RLN2: variants seen among roughly 807,000 people sequenced by gnomAD.
The protein encoded by RLN2 is relaxin 2, also known as prorelaxin H2.
In RLN2, 10 loss-of-function variants were observed where a neutral mutation model predicts 7.3. The observed-to-expected ratio is 1.36, with a 90% confidence interval of 0.84 to 2.31. The LOEUF is 2.31. RLN2 is among the 30% of genes most tolerant of loss of function. The probability of loss-of-function intolerance (pLI) is 0.00; values close to 1 mark genes in which losing one functional copy is unlikely to be tolerated. For missense variants in RLN2, 298 were observed against 217.6 expected, an observed-to-expected ratio of 1.37 and a Z score of -2.32; for synonymous variants, 103 against 82.3, an observed-to-expected ratio of 1.25 and a Z score of -1.36.
chr9:5,321,029 A>G, the RLN2 span, among the ~76,000 whole-genome samples: 1 of 152,142 alleles, frequency 6.6e-6, no homozygotes, highest in Non-Finnish European at 1.5e-5. Flanking sequence ...ATACAGTTCA[A>G]TGTGATTCAT....
chr9:5,324,886 T>C, the RLN2 span, among the ~76,000 whole-genome samples: 27 of 152,138 alleles, frequency 1.8e-4, no homozygotes, highest in African/African-American at 6.0e-4. Context: ...ACATATTCAA[T>C]TGCACTGCTA....
chr9:5,322,347 C>A, the RLN2 span, among the ~76,000 whole-genome samples: 1 of 151,908 alleles, frequency 6.6e-6, no homozygotes, highest in African/African-American at 2.4e-5. Flanking sequence ...CTGCAGCATG[C>A]CAGGGACCCT....
the RLN2 span, among the ~76,000 whole-genome samples, chr9:5,336,347 G>A: frequency 6.6e-6 from 1 of 152,004 alleles, no homozygotes; most frequent in African/African-American, 2.4e-5. Flanking sequence ...TTTGTTCCAA[G>A]GCTGCAGATC....
chr9:5,305,426 G>GAC (rs1563736634), upstream of RLN2, among the ~76,000 whole-genome samples: 2 of 142,932 alleles, frequency 1.4e-5, no homozygotes, highest in African/African-American at 5.2e-5. Context: ...GAGAGAGAGA[G>GAC]AAGAAAAAAA....
chr9:5,335,104 T>A, the RLN2 span: 7 of 524,542 alleles, frequency 1.3e-5, no homozygotes, highest in Non-Finnish European at 2.3e-5. Context: ...ATACAAAGAA[T>A]ATTTTCTTAC....
chr9:5,337,447 A>T, the RLN2 span, among the ~76,000 whole-genome samples: 1 of 152,044 alleles, frequency 6.6e-6, no homozygotes, highest in South Asian at 2.1e-4. Context: ...TCATGCAAAT[A>T]CCCTTAATTC....
At chr9:5,328,679 C>T in the RLN2 span, among the ~76,000 whole-genome samples, 109 of 152,092 alleles carry the variant, frequency 7.2e-4, no homozygotes, top group Non-Finnish European at 1.3e-3. Flanking sequence ...AGGTTACCAA[C>T]AAAGGGAAGC....
chr9:5,322,811 C>G, the RLN2 span, among the ~76,000 whole-genome samples: 1 of 151,876 alleles, frequency 6.6e-6, no homozygotes, highest in East Asian at 1.9e-4. Flanking sequence ...AAAGAAGGCG[C>G]CACATGATGT....
At position 5,300,196 on chromosome 9, in the gene RLN2, C is replaced by T. The variant is rs1302421423; in HGVS notation, c.460G>A (p.Asp154Asn). 6.2e-7 allele frequency: 1 copy of T among 1,613,798 alleles called. No individual in the cohort carries two copies. The highest frequency in any genetic ancestry group is 8.5e-7 in the Non-Finnish European group (1 of 1,179,888). ...SPSELKYLGL[D>N]THSRKKRQLY... is the part of the protein sequence containing the mutation. Reference sequence around the variant, plus strand: ...TGTCTCTTTTTTCGAGAATGAGTATCCAAGCCTAAGTATTTTAATTCTGAA... The same window carrying T: ...TGTCTCTTTTTTCGAGAATGAGTATTCAAGCCTAAGTATTTTAATTCTGAA... The change falls in exon 2 of 2, where the codon GAT becomes AAT. Residue 154 changes from aspartate to asparagine, a missense_variant. Physicochemically the swap from Asp to Asn is conservative, Grantham distance 23. Transcript: ENST00000381627.
At chr9:5,329,309 C>CAAAA in the RLN2 span, among the ~76,000 whole-genome samples, 70 of 53,122 alleles carry the variant, frequency 1.3e-3, 1 homozygote, top group Middle Eastern at 0.012. Flanking sequence ...GACTCCATCT[C>CAAAA]AAAAAAAAAA....
the RLN2 span, among the ~76,000 whole-genome samples, chr9:5,319,868 G>C: frequency 1.3e-4 from 20 of 152,076 alleles, no homozygotes; most frequent in African/African-American, 4.1e-4. Context: ...GATTCATGTA[G>C]TAGAAAATAA....
the RLN2 span, among the ~76,000 whole-genome samples, chr9:5,316,287 A>G: frequency 6.6e-6 from 1 of 151,640 alleles, no homozygotes; most frequent in Non-Finnish European, 1.5e-5. Context: ...TTACTTTTTT[A>G]TTGTTTTCCT....
chr9:5,320,027 C>T, the RLN2 span, among the ~76,000 whole-genome samples: 1 of 150,830 alleles, frequency 6.6e-6, no homozygotes, highest in East Asian at 1.9e-4. Flanking sequence ...ACTCTGTCAC[C>T]CAGACCAGAG....
At chr9:5,333,600 G>GC in the RLN2 span, among the ~76,000 whole-genome samples, 1 of 151,962 alleles carries the variant, frequency 6.6e-6, no homozygotes, top group South Asian at 2.1e-4. Flanking sequence ...ACAAAGAAGA[G>GC]CTGGTACCAT....
the RLN2 span, among the ~76,000 whole-genome samples, chr9:5,326,077 G>A: frequency 2.6e-5 from 4 of 152,026 alleles, no homozygotes; most frequent in African/African-American, 9.7e-5. Context: ...AGCAGTTTAG[G>A]AGCATCACAT....
upstream of RLN2, among the ~76,000 whole-genome samples, chr9:5,307,271 GGATAGATAGATAGATAGATA>G (rs148888922): frequency 0.016 from 2,236 of 143,580 alleles, 84 homozygotes; most frequent in African/African-American, 0.054. Context: ...GATAGATAGA[GGATAGATAGATAGATAGATA>G]GATAGATAGA....
chr9:5,318,465 A>G, the RLN2 span, among the ~76,000 whole-genome samples: 1 of 152,034 alleles, frequency 6.6e-6, no homozygotes, highest in Non-Finnish European at 1.5e-5. Context: ...ATGATGCTGT[A>G]AAACCCCAAT....
chr9:5,326,598 G>A, the RLN2 span, among the ~76,000 whole-genome samples: 2 of 152,044 alleles, frequency 1.3e-5, no homozygotes, highest in African/African-American at 4.8e-5. Flanking sequence ...GAGGAGCCAG[G>A]TGGGGACAAG....
chr9:5,319,329 C>G, the RLN2 span, among the ~76,000 whole-genome samples: 1 of 151,938 alleles, frequency 6.6e-6, no homozygotes. Flanking sequence ...ATATTTACCA[C>G]TTTCTAACAT....
Sources: gnomAD v4.1 joint callset for allele counts (sites outside exome capture counted in the v4.1 genomes callset) on GRCh38, gnomAD v4.1.1 for gene constraint, MANE v1.5 for transcripts, NCBI Gene and HGNC (gene_info 2026-07-23, HGNC 2026-07-21) for gene names.